KATNAL1: variants seen among roughly 807,000 people sequenced by gnomAD.
KATNAL1 encodes katanin catalytic subunit A1 like 1.
A neutral mutation model predicts 55.2 loss-of-function variants in KATNAL1; 32 were observed. That is an observed-to-expected ratio of 0.58 (90% CI 0.44 to 0.78). The LOEUF (loss-of-function observed/expected upper bound fraction) is 0.78. KATNAL1 is among the 30% of genes least tolerant of loss of function. KATNAL1 has a pLI of 0.00. For missense variants in KATNAL1, 466 were observed against 600.9 expected (o/e 0.78, Z 2.35); for synonymous variants, 193 against 193.6 (o/e 1.00, Z 0.02).
chr13:30,296,352 G>C, intron 1 of KATNAL1: 1 of 1,132,250 alleles, frequency 8.8e-7, no homozygotes, highest in Non-Finnish European at 1.3e-6. Context: ...CGCAAGCTGG[G>C]CTGCGAAGTG....
intron 3 of KATNAL1, among the ~76,000 whole-genome samples, chr13:30,271,142 G>A (rs1880323364): frequency 6.6e-6 from 1 of 152,156 alleles, no homozygotes; most frequent in African/African-American, 2.4e-5. Flanking sequence ...CTTCCTATGT[G>A]TCCAGATGTT....
chr13:30,231,496 A>T, intron 6 of KATNAL1, 24 bp from the exon 7 acceptor site: 1 of 1,469,514 alleles, frequency 6.8e-7, no homozygotes, highest in East Asian at 2.5e-5. Context: ...AGACAAATTA[A>T]ATGATTTATC....
At chr13:30,286,886 C>T (rs1279277654) in intron 1 of KATNAL1, among the ~76,000 whole-genome samples, 2 of 152,210 alleles carry the variant, frequency 1.3e-5, no homozygotes, top group African/African-American at 4.8e-5. Flanking sequence ...GACGTGGAGT[C>T]AAAGGAGATA....
chr13:30,303,158 C>T (rs766056818), intron 1 of KATNAL1, among the ~76,000 whole-genome samples: 11 of 152,232 alleles, frequency 7.2e-5, no homozygotes, highest in Non-Finnish European at 1.5e-5. Flanking sequence ...AGGTCATTTA[C>T]TCCTTTGCCA....
intron 3 of KATNAL1, among the ~76,000 whole-genome samples, chr13:30,269,574 C>G (rs1395030795): frequency 1.3e-5 from 2 of 150,734 alleles, no homozygotes; most frequent in African/African-American, 4.9e-5. Context: ...GCTGCCCAGT[C>G]TGGAAAGTGA....
At chr13:30,280,325 G>T (rs7317962) in intron 2 of KATNAL1, 102 bp from the exon 3 acceptor site, 483,619 of 776,234 alleles carry the variant, frequency 0.62, 152,746 homozygotes, top group African/African-American at 0.76. Context: ...AATGTCAAAG[G>T]GTGAAAAATG....
intron 10 of KATNAL1, among the ~76,000 whole-genome samples, 178 bp downstream of exon 10, chr13:30,210,138 C>T (rs191757890): frequency 3.3e-5 from 5 of 151,728 alleles, no homozygotes; most frequent in Admixed American, 2.0e-4. Context: ...TAATTTTCAT[C>T]TCACAATGAA....
Position 30,204,166 on chromosome 13 carries a change from A to T in KATNAL1, c.*4374T>A, listed in dbSNP as rs1872905499. 1 of 152,220 alleles carries T rather than the reference A, an allele frequency of 6.6e-6. No homozygotes were observed. The highest frequency in any genetic ancestry group is 2.4e-5 in the African/African-American group (1 of 41,450). The allele number at this position is 152,220 out of a possible 1,614,324, so 9.4% of individuals were successfully genotyped here. On this transcript the variant is annotated 3_prime_UTR_variant, in exon 11 of 11. Transcript: ENST00000380615. ...AATCAAAACAGTTACGGAAAAAAAG[A>T]TACAAAAAAGAGAATAGTTAGGATT...
At chr13:30,281,619 C>T (rs1432453134) in intron 2 of KATNAL1, 1 of 152,100 alleles carries the variant, frequency 6.6e-6, no homozygotes, top group Non-Finnish European at 1.5e-5. Context: ...ACCCTCAAAA[C>T]TTAGGAAAAC....
chr13:30,250,831 A>G (rs1375487977), intron 4 of KATNAL1, among the ~76,000 whole-genome samples: 2 of 152,236 alleles, frequency 1.3e-5, no homozygotes, highest in East Asian at 3.8e-4. Context: ...TTAATTAACC[A>G]TAAAACTATA....
chr13:30,281,116 C>A, intron 2 of KATNAL1, among the ~76,000 whole-genome samples: 1 of 79,054 alleles, frequency 1.3e-5, no homozygotes. Flanking sequence ...GAGCAAGAAT[C>A]CATGTCAAAA....
intron 2 of KATNAL1, chr13:30,282,008 G>T (rs993671580): frequency 1.3e-5 from 2 of 149,274 alleles, no homozygotes; most frequent in African/African-American, 5.0e-5. Flanking sequence ...TTTCCTTAAA[G>T]ATATATTGCT....
intron 1 of KATNAL1, among the ~76,000 whole-genome samples, chr13:30,299,248 T>C (rs1293416678): frequency 1.3e-5 from 2 of 152,172 alleles, no homozygotes; most frequent in African/African-American, 4.8e-5. Context: ...CCAGGCACCA[T>C]AAATTTTTAG....
intron 1 of KATNAL1, among the ~76,000 whole-genome samples, chr13:30,294,100 A>C (rs914291004): frequency 6.6e-6 from 1 of 152,070 alleles, no homozygotes; most frequent in Admixed American, 6.5e-5. Context: ...GAGACACAAT[A>C]CTGAAATTAG....
chr13:30,252,897 C>T (rs1215985751), intron 4 of KATNAL1, among the ~76,000 whole-genome samples: 1 of 152,156 alleles, frequency 6.6e-6, no homozygotes, highest in Non-Finnish European at 1.5e-5. Flanking sequence ...CAGGCATGCA[C>T]CACCACACCC....
At position 30,255,617 on chromosome 13, in the gene KATNAL1, T is replaced by TAA; in HGVS notation, c.324-3_324-2insTT. 1 of 1,250,082 alleles carries TAA rather than the reference T, an allele frequency of 8.0e-7. No individual in the cohort carries two copies. The highest frequency in any genetic ancestry group is 9.9e-7 in the Non-Finnish European group (1 of 1,007,508). 77.4% of individuals were successfully genotyped at this position (1,250,082 alleles called of 1,614,324 possible). ...GGACGCCTGATCTGAGGTGGAGCTC[T>TAA]GACAAAAAAAAAAAAAAAAAAATTA... On this transcript the variant is annotated splice_polypyrimidine_tract_variant and splice_region_variant and intron_variant, in intron 3 of 10. Coordinates refer to ENST00000380615, the MANE Select transcript of KATNAL1 (RefSeq NM_032116.5).
intron 3 of KATNAL1, among the ~76,000 whole-genome samples, chr13:30,270,906 A>G (rs1880299239): frequency 6.6e-6 from 1 of 151,780 alleles, no homozygotes; most frequent in Non-Finnish European, 1.5e-5. Context: ...AAGAATGATC[A>G]ATAAACAAAA....
intron 3 of KATNAL1, among the ~76,000 whole-genome samples, chr13:30,279,672 G>A (rs1204069255): frequency 6.6e-6 from 1 of 152,102 alleles, no homozygotes; most frequent in Non-Finnish European, 1.5e-5. Flanking sequence ...TCTGGAAATT[G>A]ACTGTAGGCC....
Position 30,249,028 on chromosome 13 carries a change from C to A in KATNAL1, c.492+6419G>T, listed in dbSNP as rs1317678212. 2.0e-5 allele frequency among the ~76,000 whole-genome samples: 3 copies of A among 149,212 alleles called. No homozygotes were observed. The East Asian group carries it at 5.9e-4, about 29-fold the overall frequency. On this transcript the variant is annotated intron_variant, in intron 4 of 10. Coordinates refer to ENST00000380615, the MANE Select transcript of KATNAL1 (RefSeq NM_032116.5). ...GAGCCCAGATGGTGCCACTGCACTC[C>A]AGCCTGGGCAACAGAGCGAGACTCC...
Sources: allele counts gnomAD v4.1 joint callset (sites outside exome capture counted in the v4.1 genomes callset), GRCh38; gene constraint gnomAD v4.1.1; transcripts MANE v1.5; gene names NCBI Gene and HGNC (gene_info 2026-07-23, HGNC 2026-07-21).